NAA35: variants seen among roughly 807,000 people sequenced by gnomAD.
NAA35 encodes N-alpha-acetyltransferase 35, NatC auxiliary subunit.
In NAA35, 18 loss-of-function variants were observed where a neutral mutation model predicts 101.7. The observed-to-expected ratio is 0.18, with a 90% CI of 0.12 to 0.26. The LOEUF (loss-of-function observed/expected upper bound fraction) is 0.26, where lower values mean the gene tolerates loss of function less well. Ranked by LOEUF, NAA35 falls within the 10% of genes least tolerant of loss-of-function variation. The pLI is 1.00. For missense variants in NAA35, 601 were observed against 886.8 expected (o/e 0.68, Z 4.09); for synonymous variants, 267 against 273.1 (o/e 0.98, Z 0.22).
intron 6 of NAA35, among the ~76,000 whole-genome samples, chr9:85,962,632 G>T (rs1446416616): frequency 6.6e-6 from 1 of 151,988 alleles, no homozygotes; most frequent in African/African-American, 2.4e-5. Flanking sequence ...AAGTAATGCT[G>T]TTGCCATTTA....
At chr9:85,964,245 A>G (rs1191423876) in intron 6 of NAA35, among the ~76,000 whole-genome samples, 1 of 151,814 alleles carries the variant, frequency 6.6e-6, no homozygotes, top group Non-Finnish European at 1.5e-5. Flanking sequence ...CTATTAACAT[A>G]CTGTCCCATT....
intron 11 of NAA35, among the ~76,000 whole-genome samples, chr9:85,987,898 A>C (rs1336764097): frequency 6.6e-6 from 1 of 152,266 alleles, no homozygotes; most frequent in Non-Finnish European, 1.5e-5. Context: ...TCTTGGAATA[A>C]TCACAGGTGT....
At chr9:85,990,157 CAT>C (rs1190169470) in intron 11 of NAA35, among the ~76,000 whole-genome samples, 1 of 152,192 alleles carries the variant, frequency 6.6e-6, no homozygotes, top group Non-Finnish European at 1.5e-5. Flanking sequence ...GTTAAGCAGA[CAT>C]GTGGAAAGAG....
Position 86,024,985 on chromosome 9 carries a change from T to G in NAA35, c.*3025T>G, listed in dbSNP as rs1023317062. Among the ~76,000 whole-genome samples, 1 of 152,104 alleles carries G rather than the reference T, an allele frequency of 6.6e-6. No homozygotes were observed. Among genetic ancestry groups the G allele is most frequent in the Non-Finnish European group, 1.5e-5 (1 of 68,018 alleles). On this transcript the variant is annotated 3_prime_UTR_variant, in exon 23 of 23. Transcript: ENST00000361671. ...GGGAATGGGGAGGCCACTGAGGTGGTGGGACAGGCTGCAGGGAAGAATACC... is the reference window on the plus strand; with the variant it reads ...GGGAATGGGGAGGCCACTGAGGTGGGGGGACAGGCTGCAGGGAAGAATACC...
Position 86,022,965 on chromosome 9 carries a change from C to T in NAA35, c.*1005C>T, listed in dbSNP as rs1309830870. On this transcript the variant is annotated 3_prime_UTR_variant, in exon 23 of 23. Coordinates refer to ENST00000361671, the MANE Select transcript of NAA35 (RefSeq NM_024635.4). ...TTGGCTTTGGTGGCTTAGCCTAAGACTAGTGACAGTTTTATATTTGGTCTG... is the reference window on the plus strand; with the variant it reads ...TTGGCTTTGGTGGCTTAGCCTAAGATTAGTGACAGTTTTATATTTGGTCTG... Among the ~76,000 whole-genome samples, 1 of 152,158 alleles carries T rather than the reference C, an allele frequency of 6.6e-6. No individual in the cohort carries two copies. Among genetic ancestry groups the T allele is most frequent in the Non-Finnish European group, 1.5e-5 (1 of 68,020 alleles).
chr9:85,983,807 A>G (rs1324735369), intron 11 of NAA35, among the ~76,000 whole-genome samples: 4 of 152,116 alleles, frequency 2.6e-5, no homozygotes, highest in African/African-American at 7.2e-5. Context: ...CAGAACTTAA[A>G]ATAGAAGAGC....
At chr9:85,953,644 G>T (rs1445931695) in intron 2 of NAA35, among the ~76,000 whole-genome samples, 2 of 151,984 alleles carry the variant, frequency 1.3e-5, no homozygotes, top group African/African-American at 4.8e-5. Flanking sequence ...GGCCAGGCTG[G>T]TCTTGAACTC....
intron 12 of NAA35, among the ~76,000 whole-genome samples, chr9:85,997,131 A>G (rs1036764264): frequency 1.3e-5 from 2 of 149,462 alleles, no homozygotes; most frequent in Non-Finnish European, 3.0e-5. Flanking sequence ...TTTTAGTTTA[A>G]TCATTATTTT....
intron 2 of NAA35, among the ~76,000 whole-genome samples, chr9:85,942,869 C>T (rs1472753590): frequency 6.6e-6 from 1 of 152,202 alleles, no homozygotes; most frequent in African/African-American, 2.4e-5. Context: ...TTGCCCCTCG[C>T]TTTCACACAA....
intron 19 of NAA35, 53 bp downstream of exon 19, chr9:86,017,618 A>G: frequency 7.2e-7 from 1 of 1,389,748 alleles, no homozygotes; most frequent in South Asian, 1.3e-5. Context: ...TCCCTATTAT[A>G]TAGTTTATTT....
At chr9:85,988,371 AAAAG>A (rs1218366627) in intron 11 of NAA35, among the ~76,000 whole-genome samples, 3 of 152,354 alleles carry the variant, frequency 2.0e-5, no homozygotes, top group African/African-American at 7.2e-5. Context: ...TATTAAGACT[AAAAG>A]AAGAAGTAAT....
intron 11 of NAA35, 34 bp from the exon 12 acceptor site, chr9:85,996,365 T>G: frequency 2.0e-6 from 3 of 1,464,710 alleles, no homozygotes; most frequent in Non-Finnish European, 2.8e-6. Flanking sequence ...CAGAGAAAAG[T>G]TGAAAAATTT....
intron 11 of NAA35, among the ~76,000 whole-genome samples, chr9:85,992,319 T>G (rs766730051): frequency 7.9e-5 from 12 of 152,146 alleles, no homozygotes; most frequent in South Asian, 2.1e-4. Flanking sequence ...AGATCATAAC[T>G]TATTGAATAA....
chr9:85,989,508 AAAC>A (rs1456273812), intron 11 of NAA35, among the ~76,000 whole-genome samples: 1 of 152,038 alleles, frequency 6.6e-6, no homozygotes, highest in African/African-American at 2.4e-5. Context: ...AACAAAGACA[AAAC>A]AAAAAAACTG....
rs1173706353 is a variant in NAA35, at chr9:85,955,327, CATATATATATATAT to C, written c.125-1012_125-999del. ...TCCACAGGATTTAGCCATCTATATA[CATATATATATATAT>C]ATATATATATATATATATATTTTTT... On this transcript the variant is annotated intron_variant, in intron 2 of 22. Coordinates refer to ENST00000361671, the MANE Select transcript of NAA35 (RefSeq NM_024635.4). Among the ~76,000 whole-genome samples the C allele has an allele frequency of 7.0e-4, 58 of 82,850 alleles. 2 individuals carry two copies. Among genetic ancestry groups the C allele is most frequent in the South Asian group, 1.6e-3 (3 of 1,858 alleles). 54.4% of individuals were successfully genotyped at this position (82,850 alleles called of 152,430 possible).
rs1458815651 is a variant in NAA35, at chr9:86,016,549, G to A, written c.1579G>A (p.Glu527Lys). ...EYYYIYWYLS[E>K]FLYAWLMSTL... ...TTTGTATCCTTTAAGGTATCTCTCT[G>A]AATTCCTTTACGCATGGTTGATGTC... The change falls in exon 18 of 23, where the codon GAA becomes AAA. Residue 527 changes from glutamate to lysine, a missense_variant. By Grantham distance (56) the Glu-to-Lys change is moderately conservative. Coordinates refer to ENST00000361671, the MANE Select transcript of NAA35 (RefSeq NM_024635.4). 2 of 1,613,228 alleles carry A rather than the reference G, an allele frequency of 1.2e-6. No individual in the cohort carries two copies. Among genetic ancestry groups the A allele is most frequent in the Non-Finnish European group, 1.7e-6 (2 of 1,179,666 alleles).
At chr9:86,021,483 C>T (rs1429675678) in intron 22 of NAA35, among the ~76,000 whole-genome samples, 8 of 152,198 alleles carry the variant, frequency 5.3e-5, no homozygotes, top group African/African-American at 1.7e-4. Context: ...TGCACCTTTT[C>T]TTCCATTGTT....
At chr9:85,996,669 A>G (rs1041946911) in intron 12 of NAA35, 92 bp downstream of exon 12, 23 of 950,796 alleles carry the variant, frequency 2.4e-5, no homozygotes, top group Middle Eastern at 7.0e-4. Context: ...ACTTTGGTTT[A>G]ACAACAGAAT....
intron 11 of NAA35, among the ~76,000 whole-genome samples, chr9:85,984,545 A>G (rs1830568704): frequency 2.0e-5 from 3 of 152,220 alleles, no homozygotes. Flanking sequence ...ACACAGAATC[A>G]AGACAGAGTG....
Sources: gnomAD v4.1 joint callset for allele counts (sites outside exome capture counted in the v4.1 genomes callset) on GRCh38, gnomAD v4.1.1 for gene constraint, MANE v1.5 for transcripts, NCBI Gene and HGNC (gene_info 2026-07-23, HGNC 2026-07-21) for gene names.